GPR39: variants seen among roughly 807,000 people sequenced by gnomAD.
The protein encoded by GPR39 is zinc sensing receptor.
In GPR39, 23 loss-of-function variants were observed where a neutral mutation model predicts 18.4. That is an observed-to-expected ratio of 1.25 (90% CI 0.90 to 1.77). The LOEUF is 1.77. GPR39 is among the 40% of genes most tolerant of loss of function. The pLI is 0.00. For missense variants in GPR39, 647 were observed against 602.4 expected (o/e 1.07, Z -0.78); for synonymous variants, 280 against 257.9 (o/e 1.09, Z -0.82).
chr2:132,622,241 A>C (rs542474893), intron 1 of GPR39, among the ~76,000 whole-genome samples: 1 of 152,222 alleles, frequency 6.6e-6, no homozygotes, highest in African/African-American at 2.4e-5. Context: ...TACAAATACA[A>C]AATTTAGCCA....
chr2:132,448,929 A>G (rs1680585528), intron 1 of GPR39, among the ~76,000 whole-genome samples: 1 of 152,146 alleles, frequency 6.6e-6, no homozygotes, highest in Non-Finnish European at 1.5e-5. Context: ...AAATGGGAGG[A>G]CAATGGTGTG....
rs948881403 is a variant in GPR39 at position 132,564,810 on chromosome 2, C to CTTTTTT, written c.857-80275_857-80270dup. Among the ~76,000 whole-genome samples the CTTTTTT allele has an allele frequency of 4.7e-3, 452 of 95,472 alleles. 27 individuals are homozygous for CTTTTTT. Among genetic ancestry groups the CTTTTTT allele is most frequent in the South Asian group, 8.4e-3 (19 of 2,268 alleles). 62.6% of individuals were successfully genotyped at this position (95,472 alleles called of 152,430 possible). A position where few individuals can be genotyped will look rare whatever the true frequency, so the allele number is the denominator to read the frequency against. On this transcript the variant is annotated intron_variant, in intron 1 of 1. Transcript: ENST00000329321. The stretch of plus-strand genomic sequence containing the variant: ...TTTAATAACTATTTTTTTCTTTTTT[C>CTTTTTT]TTTTTTTTTTTTTTTTTTTTTGTTG...
chr2:132,451,300 A>G (rs1312971220), intron 1 of GPR39, among the ~76,000 whole-genome samples: 3 of 152,106 alleles, frequency 2.0e-5, no homozygotes, highest in Non-Finnish European at 4.4e-5. Flanking sequence ...TTTATTGTTC[A>G]TCATAGTACT....
intron 1 of GPR39, among the ~76,000 whole-genome samples, chr2:132,612,334 T>G (rs1001444030): frequency 2.6e-5 from 4 of 151,972 alleles, no homozygotes; most frequent in African/African-American, 7.3e-5. Flanking sequence ...GAATAATTTG[T>G]TCTTTTGTGA....
At chr2:132,595,813 A>G (rs1209482334) in intron 1 of GPR39, among the ~76,000 whole-genome samples, 2 of 152,210 alleles carry the variant, frequency 1.3e-5, no homozygotes, top group Non-Finnish European at 2.9e-5. Context: ...CTGCTGAGGA[A>G]TAAACCACCA....
In GPR39 at chr2:132,535,695, C is replaced by CTTTTTTTTTTTTTTTTTTTTT. The variant is rs753801511; in HGVS notation, c.857-109395_857-109394insTTTTTTTTTTTTTTTTTTTTT. Reference sequence around the variant, plus strand: ...GGCTGTGAATCCATCTGGTCCTGGGCTTTTTTTTTTTGGTTGGTAGGCTAT... The same window carrying CTTTTTTTTTTTTTTTTTTTTT: ...GGCTGTGAATCCATCTGGTCCTGGGCTTTTTTTTTTTTTTTTTTTTTTTTTTTTTTTTGGTTGGTAGGCTAT... On this transcript the variant is annotated intron_variant, in intron 1 of 1. Transcript: ENST00000329321. 3.9e-3 allele frequency among the ~76,000 whole-genome samples: 373 copies of CTTTTTTTTTTTTTTTTTTTTT among 96,274 alleles called. 40 individuals are homozygous for CTTTTTTTTTTTTTTTTTTTTT. Among genetic ancestry groups the CTTTTTTTTTTTTTTTTTTTTT allele is most frequent in the East Asian group, 0.011 (17 of 1,572 alleles). 63.2% of individuals were successfully genotyped at this position (96,274 alleles called of 152,430 possible). A position where few individuals can be genotyped will look rare whatever the true frequency, so the allele number is the denominator to read the frequency against.
chr2:132,618,674 G>A (rs931057887), intron 1 of GPR39, among the ~76,000 whole-genome samples: 3 of 152,174 alleles, frequency 2.0e-5, no homozygotes, highest in African/African-American at 7.2e-5. Flanking sequence ...ATGAAGCAGA[G>A]CCCCCTTCCC....
intron 1 of GPR39, among the ~76,000 whole-genome samples, chr2:132,641,559 T>C (rs1329936844): frequency 6.6e-6 from 1 of 152,164 alleles, no homozygotes; most frequent in Non-Finnish European, 1.5e-5. Context: ...ACTGTAAGAG[T>C]AAAACCTATA....
intron 1 of GPR39, among the ~76,000 whole-genome samples, chr2:132,494,641 A>T (rs1171136982): frequency 6.6e-6 from 1 of 152,184 alleles, no homozygotes; most frequent in African/African-American, 2.4e-5. Context: ...TGCTGTGGTC[A>T]CAGAAATGGA....
At chr2:132,480,313 A>G (rs1205488564) in intron 1 of GPR39, among the ~76,000 whole-genome samples, 1 of 152,190 alleles carries the variant, frequency 6.6e-6, no homozygotes, top group Admixed American at 6.5e-5. Flanking sequence ...ATTTGCAAGA[A>G]GAAAAATTTC....
chr2:132,544,968 T>C lies in GPR39; in HGVS notation c.857-100133T>C, dbSNP rs544305802. ...AAAACCAATTAGGGAATGGTAGATA[T>C]ATGTAAAATAGGTGAAGCGTGGGGA... On this transcript the variant is annotated intron_variant, in intron 1 of 1. Coordinates refer to ENST00000329321, the MANE Select transcript of GPR39 (RefSeq NM_001508.3). Among the ~76,000 whole-genome samples, 9 of 152,324 alleles carry C rather than the reference T, an allele frequency of 5.9e-5. No individual in the cohort carries two copies. The East Asian group carries it at 1.7e-3, about 29-fold the overall frequency.
intron 1 of GPR39, among the ~76,000 whole-genome samples, chr2:132,583,130 C>G (rs1680658378): frequency 6.6e-6 from 1 of 151,872 alleles, no homozygotes; most frequent in Non-Finnish European, 1.5e-5. Flanking sequence ...CCAGGCTGGT[C>G]TCACACTCCT....
chr2:132,619,030 G>A (rs968035730), intron 1 of GPR39, among the ~76,000 whole-genome samples: 4 of 152,152 alleles, frequency 2.6e-5, no homozygotes, highest in Admixed American at 2.6e-4. Context: ...ACCAGGCAGT[G>A]GGGCAGCATC....
chr2:132,581,239 C>T (rs776606710), intron 1 of GPR39, among the ~76,000 whole-genome samples: 18 of 151,682 alleles, frequency 1.2e-4, no homozygotes, highest in Non-Finnish European at 2.9e-5. Context: ...GCAAGAAAGG[C>T]TAGTTAGCAA....
intron 1 of GPR39, among the ~76,000 whole-genome samples, chr2:132,520,752 T>C (rs1468998254): frequency 6.6e-6 from 1 of 152,222 alleles, no homozygotes; most frequent in Non-Finnish European, 1.5e-5. Flanking sequence ...AATGTCCATC[T>C]TGATGGTGAT....
intron 1 of GPR39, among the ~76,000 whole-genome samples, chr2:132,599,594 C>T (rs1484853927): frequency 6.6e-6 from 1 of 152,118 alleles, no homozygotes; most frequent in Non-Finnish European, 1.5e-5. Context: ...TCCCTGAGTC[C>T]CTTCCAACTC....
chr2:132,564,827 T>TTTTTTTTTTTTTTTTG (rs1288125434), intron 1 of GPR39, among the ~76,000 whole-genome samples: 6 of 139,958 alleles, frequency 4.3e-5, no homozygotes, highest in African/African-American at 1.3e-4. Context: ...TTTTTTTTTT[T>TTTTTTTTTTTTTTTTG]TTTTGTTGAG....
chr2:132,569,276 T>C (rs1182067019), intron 1 of GPR39, among the ~76,000 whole-genome samples: 1 of 152,134 alleles, frequency 6.6e-6, no homozygotes, highest in African/African-American at 2.4e-5. Context: ...AACAAGTTTT[T>C]CCTGTGGTCC....
At chr2:132,516,098 G>A (rs566008341) in intron 1 of GPR39, among the ~76,000 whole-genome samples, 1 of 152,084 alleles carries the variant, frequency 6.6e-6, no homozygotes, top group African/African-American at 2.4e-5. Context: ...TGCTTTCTGG[G>A]TCCTGGCAAG....
Sources: gnomAD v4.1 joint callset for allele counts (sites outside exome capture counted in the v4.1 genomes callset) on GRCh38, gnomAD v4.1.1 for gene constraint, MANE v1.5 for transcripts, NCBI Gene and HGNC (gene_info 2026-07-23, HGNC 2026-07-21) for gene names.